HERC4: variants seen among roughly 807,000 people sequenced by gnomAD.
The protein encoded by HERC4 is probable E3 ubiquitin-protein ligase HERC4.
A neutral mutation model predicts 124.3 loss-of-function variants in HERC4; 28 were observed. The observed-to-expected ratio is 0.23, with a 90% confidence interval of 0.17 to 0.31. The LOEUF is 0.31. HERC4 is among the 10% of genes least tolerant of loss of function. The probability of loss-of-function intolerance (pLI) is 1.00; values close to 1 mark genes in which losing one functional copy is unlikely to be tolerated. For synonymous variants in HERC4, 407 were observed against 421.5 expected (o/e 0.97, Z 0.42); for missense variants, 713 against 1,229.3 (o/e 0.58, Z 6.28).
At chr10:68,062,834 T>C (rs926292203) in intron 3 of HERC4, among the ~76,000 whole-genome samples, 4 of 152,144 alleles carry the variant, frequency 2.6e-5, no homozygotes, top group African/African-American at 9.7e-5. Context: ...TTTCTCTCCC[T>C]TTCAACCTTT....
At chr10:67,975,866 T>G (rs2035555341) in intron 15 of HERC4, among the ~76,000 whole-genome samples, 1 of 152,198 alleles carries the variant, frequency 6.6e-6, no homozygotes, top group South Asian at 2.1e-4. Flanking sequence ...GCCAGGATAC[T>G]CATTTGGGAG....
chr10:68,036,838 T>C (rs898275764), intron 5 of HERC4, among the ~76,000 whole-genome samples: 5 of 152,170 alleles, frequency 3.3e-5, no homozygotes, highest in Admixed American at 1.3e-4. Context: ...TTACCAATTA[T>C]ATCAATTAGA....
chr10:67,946,511 T>C (rs1194477939), intron 19 of HERC4, among the ~76,000 whole-genome samples: 3 of 151,874 alleles, frequency 2.0e-5, no homozygotes, highest in African/African-American at 7.3e-5. Context: ...TTTTGTCTAA[T>C]ACAAGGTATT....
At chr10:68,050,376 T>C in intron 3 of HERC4, among the ~76,000 whole-genome samples, 1 of 152,176 alleles carries the variant, frequency 6.6e-6, no homozygotes, top group Non-Finnish European at 1.5e-5. Flanking sequence ...ACTTAAAAAA[T>C]ATAAAAGAAA....
intron 19 of HERC4, among the ~76,000 whole-genome samples, chr10:67,950,824 C>T (rs2033737471): frequency 1.3e-5 from 2 of 151,802 alleles, no homozygotes; most frequent in Admixed American, 6.6e-5. Context: ...TGAAAGAACC[C>T]AGTAGAACTA....
Position 67,995,882 on chromosome 10 carries a change from T to C in HERC4, c.1070-3200A>G, listed in dbSNP as rs1206728589. On this transcript the variant is annotated intron_variant, in intron 9 of 24. Transcript: ENST00000373700. ...CTGACCTTTTTGTCCCCAATTTTCA[T>C]GTGTCAAGTAATTTTCCCCCCCTTA... Among the ~76,000 whole-genome samples the C allele has an allele frequency of 5.3e-5, 8 of 152,126 alleles. No homozygotes were observed. In the South Asian group the frequency reaches 1.7e-3, roughly 31 times the overall value.
At chr10:67,936,446 C>T (rs1304959526) in intron 21 of HERC4, among the ~76,000 whole-genome samples, 1 of 152,158 alleles carries the variant, frequency 6.6e-6, no homozygotes, top group African/African-American at 2.4e-5. Context: ...TGATTAATTA[C>T]AAATTACCAA....
intron 4 of HERC4, 33 bp downstream of exon 4, chr10:68,044,371 T>G: frequency 6.4e-7 from 1 of 1,574,164 alleles, no homozygotes; most frequent in Non-Finnish European, 8.6e-7. Context: ...TTTAAAAGAT[T>G]GTTAAGGACC....
chr10:67,927,430 A>ATATT (rs1564911511), intron 23 of HERC4, among the ~76,000 whole-genome samples: 36 of 37,734 alleles, frequency 9.5e-4, no homozygotes, highest in Non-Finnish European at 2.1e-3. Flanking sequence ...ATATATATAT[A>ATATT]TTTTTTTTTT....
At chr10:67,956,028 A>G (rs2132315657) in intron 17 of HERC4, 1 of 152,382 alleles carries the variant, frequency 6.6e-6, no homozygotes, top group Non-Finnish European at 1.5e-5. Context: ...AGCTGTTAGT[A>G]TAGAACACTA....
At chr10:68,033,882 TCTTACA>T (rs1197831523) in intron 6 of HERC4, 77 bp downstream of exon 6, 1 of 1,139,132 alleles carries the variant, frequency 8.8e-7, no homozygotes, top group African/African-American at 1.5e-5. Flanking sequence ...TACATTTCTC[TCTTACA>T]CTAAGAATCA....
chr10:67,953,037 A>G (rs1210760020), intron 19 of HERC4, among the ~76,000 whole-genome samples: 1 of 152,152 alleles, frequency 6.6e-6, no homozygotes, highest in Non-Finnish European at 1.5e-5. Context: ...TTTGGTATGT[A>G]ATATATTGCT....
chr10:68,001,931 A>G (rs1183653245), intron 9 of HERC4, among the ~76,000 whole-genome samples: 1 of 152,126 alleles, frequency 6.6e-6, no homozygotes, highest in Non-Finnish European at 1.5e-5. Flanking sequence ...GAGGTATACA[A>G]TATTTTTTTT....
chr10:67,990,448 C>T (rs749020700), intron 13 of HERC4, 48 bp from the exon 14 acceptor site: 3 of 686,912 alleles, frequency 4.4e-6, no homozygotes, highest in Admixed American at 7.2e-5. Flanking sequence ...AATGAATACA[C>T]TTTCAAAGAA....
intron 21 of HERC4, among the ~76,000 whole-genome samples, chr10:67,938,249 T>C (rs982102713): frequency 6.6e-6 from 1 of 151,500 alleles, no homozygotes; most frequent in Non-Finnish European, 1.5e-5. Context: ...GGGACCATCC[T>C]GGCCAACATG....
At chr10:68,063,862 C>G (rs1471057012) in intron 3 of HERC4, among the ~76,000 whole-genome samples, 3 of 152,128 alleles carry the variant, frequency 2.0e-5, no homozygotes, top group Non-Finnish European at 4.4e-5. Flanking sequence ...TCACTTGAAC[C>G]TGGGAGGTGG....
chr10:68,006,620 T>C (rs1011661805), intron 9 of HERC4, among the ~76,000 whole-genome samples: 22 of 152,034 alleles, frequency 1.4e-4, no homozygotes, highest in African/African-American at 5.1e-4. Context: ...TCAGGTGATC[T>C]GCCCGCCTCA....
intron 16 of HERC4, chr10:67,961,472 TG>T (rs2034515445): frequency 6.6e-6 from 1 of 152,342 alleles, no homozygotes; most frequent in Non-Finnish European, 1.5e-5. Context: ...CCAAATGTCA[TG>T]GTGCTGCTCA....
chr10:67,953,831 G>T (rs1243726413), intron 19 of HERC4, among the ~76,000 whole-genome samples: 2 of 152,096 alleles, frequency 1.3e-5, no homozygotes, highest in African/African-American at 4.8e-5. Flanking sequence ...AAATGAAAAA[G>T]AAATATTAGA....
Sources: gnomAD v4.1 joint callset for allele counts (sites outside exome capture counted in the v4.1 genomes callset) on GRCh38, gnomAD v4.1.1 for gene constraint, MANE v1.5 for transcripts, NCBI Gene and HGNC (gene_info 2026-07-23, HGNC 2026-07-21) for gene names.